The following DARS1 variants were observed in gnomAD, a reference collection of about 807,000 sequenced individuals.
DARS1 encodes aspartate--tRNA ligase, cytoplasmic.
Under a neutral mutation model 68.8 loss-of-function variants are expected in DARS1, and 51 were observed. That is an observed-to-expected ratio of 0.74 (90% CI 0.59 to 0.94). DARS1 has a LOEUF of 0.94. DARS1 is among the 40% of genes least tolerant of loss of function. The probability of loss-of-function intolerance (pLI) is 0.00; values close to 1 mark genes in which losing one functional copy is unlikely to be tolerated. For missense variants in DARS1, 607 were observed against 597.3 expected, an observed-to-expected ratio of 1.02 and a Z score of -0.17; for synonymous variants, 203 against 190.4, an observed-to-expected ratio of 1.07 and a Z score of -0.55.
At chr2:135,951,196 G>T (rs923111704) in intron 4 of DARS1, among the ~76,000 whole-genome samples, 1 of 152,170 alleles carries the variant, frequency 6.6e-6, no homozygotes, top group Non-Finnish European at 1.5e-5. Flanking sequence ...AAACACTACT[G>T]GCTGCCTGCC....
At chr2:135,937,319 C>A (rs1681492226) in intron 5 of DARS1, among the ~76,000 whole-genome samples, 1 of 151,904 alleles carries the variant, frequency 6.6e-6, no homozygotes. Context: ...GAACTCCTGA[C>A]CTCAAGTGAC....
intron 9 of DARS1, among the ~76,000 whole-genome samples, chr2:135,922,461 G>C (rs964535198): frequency 6.6e-6 from 1 of 152,010 alleles, no homozygotes; most frequent in Non-Finnish European, 1.5e-5. Context: ...TTCAAGAAAC[G>C]CATTTTTAAA....
intron 3 of DARS1, among the ~76,000 whole-genome samples, chr2:135,970,125 G>A (rs553641624): frequency 1.3e-5 from 2 of 152,000 alleles, no homozygotes; most frequent in East Asian, 3.9e-4. Flanking sequence ...AACTACAGTC[G>A]CAGCTACTTG....
At chr2:135,961,100 T>C (rs973497064) in intron 4 of DARS1, among the ~76,000 whole-genome samples, 1 of 152,054 alleles carries the variant, frequency 6.6e-6, no homozygotes, top group Non-Finnish European at 1.5e-5. Flanking sequence ...CACAACAAAA[T>C]AAAGTTGCTC....
chr2:135,985,503 C>T lies in DARS1; in HGVS notation c.-35G>A. On this transcript the variant is annotated 5_prime_UTR_variant, in exon 1 of 16. Transcript: ENST00000264161. Reference sequence around the variant, plus strand: ...GAACTGGGCAGTGGACACCACCCTCCCTCGCAGGCTTCCGTAAGGCAGGCC... The same window carrying T: ...GAACTGGGCAGTGGACACCACCCTCTCTCGCAGGCTTCCGTAAGGCAGGCC... The T allele has an allele frequency of 3.7e-6, 6 of 1,613,964 alleles. No homozygotes were observed. The highest frequency in any genetic ancestry group is 5.1e-6 in the Non-Finnish European group (6 of 1,179,938).
chr2:135,934,030 A>T (rs1205461844), intron 5 of DARS1, 40 bp from the exon 6 acceptor site: 1 of 1,592,888 alleles, frequency 6.3e-7, no homozygotes, highest in East Asian at 2.3e-5. Context: ...GAAAGCACAC[A>T]AAATCTGCAT....
At chr2:135,908,186 A>T (rs765740318) in intron 15 of DARS1, among the ~76,000 whole-genome samples, 3 of 152,226 alleles carry the variant, frequency 2.0e-5, no homozygotes, top group Non-Finnish European at 4.4e-5. Context: ...TTCGTATATG[A>T]AAAGGTATCT....
chr2:135,968,112 T>C (rs1682279293), intron 3 of DARS1, among the ~76,000 whole-genome samples: 1 of 151,962 alleles, frequency 6.6e-6, no homozygotes, highest in Admixed American at 6.6e-5. Flanking sequence ...ATATAAAAAT[T>C]AGCTGGATAT....
chr2:135,955,101 C>T (rs529683035), intron 4 of DARS1, among the ~76,000 whole-genome samples: 3 of 149,088 alleles, frequency 2.0e-5, no homozygotes, highest in South Asian at 4.2e-4. Context: ...GGGTAGTCAT[C>T]GGCTCATATT....
intron 4 of DARS1, among the ~76,000 whole-genome samples, chr2:135,948,285 C>A (rs1234966514): frequency 6.6e-6 from 1 of 152,194 alleles, no homozygotes; most frequent in Non-Finnish European, 1.5e-5. Context: ...ACCAACTTAT[C>A]CATATGGATG....
intron 3 of DARS1, among the ~76,000 whole-genome samples, chr2:135,969,130 A>T (rs1281683786): frequency 6.6e-6 from 1 of 152,184 alleles, no homozygotes; most frequent in Non-Finnish European, 1.5e-5. Flanking sequence ...CCTTTAACCC[A>T]GCAATTTCAT....
intron 4 of DARS1, among the ~76,000 whole-genome samples, chr2:135,954,071 A>G (rs1179409104): frequency 6.6e-6 from 1 of 151,578 alleles, no homozygotes; most frequent in Non-Finnish European, 1.5e-5. Context: ...TCTATTTTTT[A>G]AACTAAACTT....
intron 4 of DARS1, among the ~76,000 whole-genome samples, chr2:135,949,544 T>G (rs1231008926): frequency 6.6e-6 from 1 of 152,204 alleles, no homozygotes; most frequent in East Asian, 1.9e-4. Context: ...ATCTTCCTGC[T>G]TCTAGACAAA....
intron 3 of DARS1, among the ~76,000 whole-genome samples, chr2:135,962,715 A>G (rs1299457099): frequency 6.6e-6 from 1 of 152,254 alleles, no homozygotes; most frequent in Non-Finnish European, 1.5e-5. Flanking sequence ...AGGATGATCC[A>G]GTCACAAAGT....
chr2:135,962,005 T>C (rs1682113303), intron 3 of DARS1, among the ~76,000 whole-genome samples: 1 of 152,218 alleles, frequency 6.6e-6, no homozygotes, highest in South Asian at 2.1e-4. Flanking sequence ...CAAAGTACAT[T>C]TTAAAGAGCA....
chr2:135,934,509 C>A (rs140809113), intron 5 of DARS1, among the ~76,000 whole-genome samples: 1 of 152,102 alleles, frequency 6.6e-6, no homozygotes, highest in Non-Finnish European at 1.5e-5. Context: ...AAAATCCCAG[C>A]TACTTGGGTG....
chr2:135,985,105 G>A (rs548776173), intron 1 of DARS1: 59 of 486,352 alleles, frequency 1.2e-4, no homozygotes, highest in Non-Finnish European at 2.1e-4. Context: ...AACCCAGAGA[G>A]ACTCAAGTGT....
intron 4 of DARS1, among the ~76,000 whole-genome samples, chr2:135,954,661 G>GT (rs1016985819): frequency 3.0e-4 from 46 of 152,264 alleles, no homozygotes; most frequent in Admixed American, 7.8e-4. Context: ...TAAAGCAAGT[G>GT]TAGTTACTAT....
At chr2:135,923,312 T>C (rs887211354) in intron 8 of DARS1, among the ~76,000 whole-genome samples, 1 of 152,182 alleles carries the variant, frequency 6.6e-6, no homozygotes, top group African/African-American at 2.4e-5. Flanking sequence ...TTTTTTGAGA[T>C]GGAGTCTTGC....
Sources: allele counts gnomAD v4.1 joint callset (sites outside exome capture counted in the v4.1 genomes callset), GRCh38; gene constraint gnomAD v4.1.1; transcripts MANE v1.5; gene names NCBI Gene and HGNC (gene_info 2026-07-23, HGNC 2026-07-21).